The following CSGALNACT1 variants were observed in gnomAD, a reference collection of about 807,000 sequenced individuals.
The protein encoded by CSGALNACT1 is beta4GalNAcT-1.
Under a neutral mutation model 51.0 loss-of-function variants are expected in CSGALNACT1, and 52 were observed. The ratio of observed to expected loss-of-function variants is 1.02; its 90% CI spans 0.82 to 1.29. CSGALNACT1 has a LOEUF of 1.29. CSGALNACT1 is among the 50% of genes most tolerant of loss of function. CSGALNACT1 has a pLI of 0.00. For missense variants in CSGALNACT1, 935 were observed against 679.2 expected, an observed-to-expected ratio of 1.38 and a Z score of -4.19; for synonymous variants, 341 against 254.4, an observed-to-expected ratio of 1.34 and a Z score of -3.24.
chr8:19,505,722 C>A (rs2077208334), exon 4 of CSGALNACT1: 1 of 1,614,222 alleles, frequency 6.2e-7, no homozygotes, highest in Non-Finnish European at 8.5e-7. Context: ...CTCCTCGTCA[C>A]CTTTTGGGGT....
chr8:19,703,786 C>G (rs1370362388), intron 1 of CSGALNACT1, among the ~76,000 whole-genome samples: 5 of 152,220 alleles, frequency 3.3e-5, no homozygotes, highest in African/African-American at 1.2e-4. Context: ...ACAACATATT[C>G]TACACCAAGT....
At chr8:19,666,929 CAG>C (rs1201286393) in intron 1 of CSGALNACT1, among the ~76,000 whole-genome samples, 17 of 86,054 alleles carry the variant, frequency 2.0e-4, no homozygotes, top group African/African-American at 2.8e-4. Flanking sequence ...AAGGGAGAGA[CAG>C]AGAGAGAGAG....
intron 1 of CSGALNACT1, among the ~76,000 whole-genome samples, chr8:19,729,427 C>T (rs2063569892): frequency 6.6e-6 from 1 of 152,186 alleles, no homozygotes; most frequent in Admixed American, 6.5e-5. Context: ...CTGTAAAACA[C>T]TTCCAGATTG....
intron 3 of CSGALNACT1, among the ~76,000 whole-genome samples, chr8:19,544,906 C>T (rs987177839): frequency 2.6e-5 from 4 of 152,134 alleles, no homozygotes; most frequent in African/African-American, 7.2e-5. Flanking sequence ...ATCGTTTACA[C>T]ACAGGACACC....
At chr8:19,429,621 C>T (rs1221162891) in intron 6 of CSGALNACT1, among the ~76,000 whole-genome samples, 1 of 152,204 alleles carries the variant, frequency 6.6e-6, no homozygotes, top group East Asian at 1.9e-4. Flanking sequence ...GCTTTTCATT[C>T]ATCAGCTGAT....
At chr8:19,707,834 C>G (rs2062262154) in intron 1 of CSGALNACT1, among the ~76,000 whole-genome samples, 1 of 152,086 alleles carries the variant, frequency 6.6e-6, no homozygotes, top group Non-Finnish European at 1.5e-5. Context: ...AACCCTGTCT[C>G]TACTAAAAAT....
chr8:19,573,550 T>C (rs1433996314), intron 3 of CSGALNACT1, among the ~76,000 whole-genome samples: 3 of 152,084 alleles, frequency 2.0e-5, no homozygotes, highest in African/African-American at 7.2e-5. Context: ...TTCAAGCCAT[T>C]CTCCTACCTC....
intron 2 of CSGALNACT1, among the ~76,000 whole-genome samples, chr8:19,598,088 C>A (rs779235711): frequency 2.6e-5 from 4 of 152,212 alleles, no homozygotes; most frequent in Middle Eastern, 3.4e-3. Flanking sequence ...TATGGGACAG[C>A]AGAATAAGAC....
intron 1 of CSGALNACT1, among the ~76,000 whole-genome samples, chr8:19,747,886 C>A (rs2064780595): frequency 6.6e-6 from 1 of 151,976 alleles, no homozygotes; most frequent in Admixed American, 6.6e-5. Flanking sequence ...TCCTGTTATT[C>A]AGGCCCAGAA....
chr8:19,703,295 C>T (rs1189637542), intron 1 of CSGALNACT1, among the ~76,000 whole-genome samples: 1 of 152,074 alleles, frequency 6.6e-6, no homozygotes, highest in Non-Finnish European at 1.5e-5. Flanking sequence ...AGGCTGACCT[C>T]TCTTGGTTTG....
chr8:19,410,616 C>T (rs1563264121), intron 8 of CSGALNACT1, among the ~76,000 whole-genome samples: 1 of 152,180 alleles, frequency 6.6e-6, no homozygotes. Flanking sequence ...TCCAGAGACT[C>T]TGGGCTGCAC....
At chr8:19,538,999 G>A (rs1160144573) in intron 3 of CSGALNACT1, among the ~76,000 whole-genome samples, 6 of 152,068 alleles carry the variant, frequency 3.9e-5, no homozygotes, top group African/African-American at 1.4e-4. Flanking sequence ...ACCTTGTGCT[G>A]GGCATACAGG....
At chr8:19,465,447 A>G (rs1323571490) in intron 4 of CSGALNACT1, among the ~76,000 whole-genome samples, 2 of 152,158 alleles carry the variant, frequency 1.3e-5, no homozygotes, top group East Asian at 1.9e-4. Flanking sequence ...AAGAATGTCA[A>G]TGTACTTAAG....
At chr8:19,621,251 T>C (rs76036815) in intron 1 of CSGALNACT1, among the ~76,000 whole-genome samples, 1,691 of 152,248 alleles carry the variant, frequency 0.011, 32 homozygotes, top group African/African-American at 0.038. Context: ...TGCTGGCAAA[T>C]GTTTAACAGC....
intron 1 of CSGALNACT1, among the ~76,000 whole-genome samples, chr8:19,679,013 A>G (rs756211416): frequency 5.3e-5 from 8 of 152,354 alleles, no homozygotes; most frequent in Non-Finnish European, 1.0e-4. Context: ...CATTATCCCT[A>G]TTCTATGAAT....
intron 3 of CSGALNACT1, among the ~76,000 whole-genome samples, chr8:19,540,727 C>T (rs2084904708): frequency 6.6e-6 from 1 of 152,174 alleles, no homozygotes; most frequent in Admixed American, 6.5e-5. Flanking sequence ...ATGGGTCACG[C>T]TGTCTTCTTG....
intron 4 of CSGALNACT1, among the ~76,000 whole-genome samples, chr8:19,479,320 T>C (rs1379309860): frequency 6.6e-6 from 1 of 152,206 alleles, no homozygotes; most frequent in Non-Finnish European, 1.5e-5. Context: ...GATGAGAGTC[T>C]GTGCTCTGGA....
At chr8:19,530,658 G>C (rs553750451) in intron 3 of CSGALNACT1, among the ~76,000 whole-genome samples, 1 of 152,234 alleles carries the variant, frequency 6.6e-6, no homozygotes, top group African/African-American at 2.4e-5. Context: ...TTGAACCCAA[G>C]AGATCGGGGC....
At chr8:19,452,430 A>G (rs1430147326) in intron 5 of CSGALNACT1, among the ~76,000 whole-genome samples, 3 of 149,252 alleles carry the variant, frequency 2.0e-5, no homozygotes, top group Non-Finnish European at 3.0e-5. Flanking sequence ...AAAAAAAAAA[A>G]AGCAGGGAAG....
Sources: allele counts gnomAD v4.1 joint callset (sites outside exome capture counted in the v4.1 genomes callset), GRCh38; gene constraint gnomAD v4.1.1; transcripts MANE v1.5; gene names NCBI Gene and HGNC (gene_info 2026-07-23, HGNC 2026-07-21).